The following LRRTM4 variants were observed in gnomAD, a reference collection of about 807,000 sequenced individuals.
LRRTM4 encodes the protein leucine-rich repeat transmembrane neuronal protein 4.
Under a neutral mutation model 47.6 loss-of-function variants are expected in LRRTM4, and 25 were observed. That is an observed-to-expected ratio of 0.53 (90% CI 0.38 to 0.73). The LOEUF (loss-of-function observed/expected upper bound fraction) is 0.73, where lower values mean the gene tolerates loss of function less well. Ranked by LOEUF, LRRTM4 falls within the 30% of genes least tolerant of loss-of-function variation. The probability of loss-of-function intolerance (pLI) is 0.00; values close to 1 mark genes in which losing one functional copy is unlikely to be tolerated. For missense variants in LRRTM4, 638 were observed against 713.4 expected (o/e 0.89, Z 1.20); for synonymous variants, 311 against 269.5 (o/e 1.15, Z -1.51).
chr2:76,909,529 A>T (rs1316321938), intron 3 of LRRTM4, among the ~76,000 whole-genome samples: 1 of 152,070 alleles, frequency 6.6e-6, no homozygotes, highest in Admixed American at 6.5e-5. Flanking sequence ...CTGCACAGCA[A>T]AAGAAACTAC....
At chr2:77,512,667 A>G (rs142526118) in intron 3 of LRRTM4, among the ~76,000 whole-genome samples, 139 of 152,252 alleles carry the variant, frequency 9.1e-4, no homozygotes, top group Admixed American at 1.8e-3. Flanking sequence ...AGCAACTCCT[A>G]AAGCATAAAA....
chr2:77,283,605 T>C (rs540846796), intron 3 of LRRTM4, among the ~76,000 whole-genome samples: 4 of 152,072 alleles, frequency 2.6e-5, no homozygotes, highest in African/African-American at 9.6e-5. Flanking sequence ...ATTAAGAAAA[T>C]ATGGTTCATA....
At chr2:77,512,952 T>C (rs534492264) in intron 3 of LRRTM4, among the ~76,000 whole-genome samples, 1 of 152,292 alleles carries the variant, frequency 6.6e-6, no homozygotes, top group African/African-American at 2.4e-5. Flanking sequence ...GCTATGTCGG[T>C]CTTTTTTTGG....
At chr2:77,471,377 A>G (rs1677182601) in intron 3 of LRRTM4, among the ~76,000 whole-genome samples, 1 of 152,160 alleles carries the variant, frequency 6.6e-6, no homozygotes, top group South Asian at 2.1e-4. Flanking sequence ...TATTATAATA[A>G]GCTCTGGAAT....
rs146530680 is a variant in LRRTM4 at position 76,914,559 on chromosome 2, T to C, written c.1552-165643A>G. Among the ~76,000 whole-genome samples the C allele has an allele frequency of 8.2e-3, 1,253 of 152,266 alleles. 4 individuals carry two copies. The highest frequency in any genetic ancestry group is 0.02 in the Middle Eastern group (6 of 294). On this transcript the variant is annotated intron_variant, in intron 3 of 3. Coordinates refer to ENST00000409884, the MANE Select transcript of LRRTM4 (RefSeq NM_001134745.3). ...GATTATAAGTATATTATTAAAGAGA[T>C]TGTCATATTGTGTCAACTTAAAAAG...
intron 3 of LRRTM4, among the ~76,000 whole-genome samples, chr2:77,239,878 G>A (rs1175775181): frequency 6.6e-6 from 1 of 151,626 alleles, no homozygotes; most frequent in Non-Finnish European, 1.5e-5. Context: ...TATAATCATG[G>A]AAGCCCTTAG....
At chr2:77,174,657 T>G (rs770727605) in intron 3 of LRRTM4, among the ~76,000 whole-genome samples, 1 of 150,486 alleles carries the variant, frequency 6.6e-6, no homozygotes, top group Non-Finnish European at 1.5e-5. Flanking sequence ...TTGTTTGTTT[T>G]TTTTATACTT....
At chr2:76,906,612 C>A (rs1283398752) in intron 3 of LRRTM4, among the ~76,000 whole-genome samples, 1 of 152,080 alleles carries the variant, frequency 6.6e-6, no homozygotes, top group Non-Finnish European at 1.5e-5. Flanking sequence ...ATCTCACATG[C>A]AGAGACACAC....
intron 3 of LRRTM4, among the ~76,000 whole-genome samples, chr2:77,435,170 C>A (rs1024131857): frequency 6.6e-6 from 1 of 151,870 alleles, no homozygotes; most frequent in African/African-American, 2.4e-5. Context: ...GGCAAAAGAG[C>A]CCCTGGTTGA....
At chr2:77,115,696 G>T (rs936960481) in intron 3 of LRRTM4, among the ~76,000 whole-genome samples, 1 of 152,102 alleles carries the variant, frequency 6.6e-6, no homozygotes, top group Admixed American at 6.6e-5. Flanking sequence ...GTTGAATCAT[G>T]TAGGACAAAG....
At chr2:77,189,646 C>T (rs1465161850) in intron 3 of LRRTM4, among the ~76,000 whole-genome samples, 1 of 152,136 alleles carries the variant, frequency 6.6e-6, no homozygotes, top group South Asian at 2.1e-4. Context: ...TGATCTTACA[C>T]TTCCAGTCTT....
intron 3 of LRRTM4, among the ~76,000 whole-genome samples, chr2:77,020,963 A>T (rs1475281862): frequency 6.6e-6 from 1 of 152,120 alleles, no homozygotes; most frequent in African/African-American, 2.4e-5. Context: ...GGGAGCTTCT[A>T]TTACTGTTAT....
At position 76,970,243 on chromosome 2, in the gene LRRTM4, G is replaced by A. The variant is rs139552452; in HGVS notation, c.1552-221327C>T. The stretch of plus-strand genomic sequence containing the variant: ...CGGATAGAATATTTAAAATCTCTAA[G>A]AGCCCAATATATACATATAACGAAG... On this transcript the variant is annotated intron_variant, in intron 3 of 3. Coordinates refer to ENST00000409884, the MANE Select transcript of LRRTM4 (RefSeq NM_001134745.3). Among the ~76,000 whole-genome samples, 580 of 152,042 alleles carry A rather than the reference G, an allele frequency of 3.8e-3. 1 individual carries two copies. The highest frequency in any genetic ancestry group is 0.013 in the African/African-American group (554 of 41,532).
intron 3 of LRRTM4, among the ~76,000 whole-genome samples, chr2:77,108,293 G>C (rs1443416288): frequency 6.6e-6 from 1 of 152,098 alleles, no homozygotes; most frequent in South Asian, 2.1e-4. Context: ...AGTGGGGGAG[G>C]AAGAAAAGGA....
intron 3 of LRRTM4, among the ~76,000 whole-genome samples, chr2:77,510,163 T>A (rs1487829117): frequency 6.6e-6 from 1 of 152,180 alleles, no homozygotes; most frequent in African/African-American, 2.4e-5. Flanking sequence ...AATGAATGCA[T>A]CATGATGAAA....
At chr2:77,447,361 C>G (rs1443155485) in intron 3 of LRRTM4, among the ~76,000 whole-genome samples, 3 of 151,978 alleles carry the variant, frequency 2.0e-5, no homozygotes, top group Non-Finnish European at 2.9e-5. Context: ...TATATTTGCT[C>G]ATGTGCAATT....
At chr2:77,255,014 T>C (rs1190210293) in intron 3 of LRRTM4, among the ~76,000 whole-genome samples, 4 of 151,828 alleles carry the variant, frequency 2.6e-5, no homozygotes, top group African/African-American at 9.7e-5. Context: ...TTTAAAAATG[T>C]GATGCTACTA....
intron 3 of LRRTM4, among the ~76,000 whole-genome samples, chr2:77,219,311 T>C (rs946100946): frequency 6.6e-6 from 1 of 152,124 alleles, no homozygotes; most frequent in African/African-American, 2.4e-5. Flanking sequence ...ACTTTGCCTA[T>C]ATAAGGGGTT....
chr2:77,084,610 G>A (rs907857626), intron 3 of LRRTM4, among the ~76,000 whole-genome samples: 2 of 152,166 alleles, frequency 1.3e-5, no homozygotes, highest in African/African-American at 4.8e-5. Context: ...ATGGTTAAGA[G>A]TATAGCTCTG....
Sources: allele counts gnomAD v4.1 joint callset (sites outside exome capture counted in the v4.1 genomes callset), GRCh38; gene constraint gnomAD v4.1.1; transcripts MANE v1.5; gene names NCBI Gene and HGNC (gene_info 2026-07-23, HGNC 2026-07-21).